ZNF438: variants seen among roughly 807,000 people sequenced by gnomAD.
ZNF438 encodes zinc finger protein 438.
ZNF438 carries 25 observed loss-of-function variants against 38.0 expected under a neutral mutation model. The ratio of observed to expected loss-of-function variants is 0.66; its 90% CI spans 0.48 to 0.92. The LOEUF is 0.92. ZNF438 is among the 40% of genes least tolerant of loss of function. The pLI is 0.00. For synonymous variants in ZNF438, 372 were observed against 364.1 expected, an observed-to-expected ratio of 1.02 and a Z score of -0.25; for missense variants, 1,007 against 999.6, an observed-to-expected ratio of 1.01 and a Z score of -0.10.
chr10:30,879,576 T>C (rs983120662), intron 3 of ZNF438, among the ~76,000 whole-genome samples: 1 of 152,172 alleles, frequency 6.6e-6, no homozygotes, highest in Non-Finnish European at 1.5e-5. Flanking sequence ...ATTAAGTGTG[T>C]AACTAGATTT....
intron 1 of ZNF438, among the ~76,000 whole-genome samples, chr10:31,007,661 C>T (rs1348560821): frequency 6.6e-6 from 1 of 152,152 alleles, no homozygotes; most frequent in Non-Finnish European, 1.5e-5. Flanking sequence ...AATGAACTGT[C>T]TTCATAAGCT....
exon 5 of ZNF438, chr10:30,848,580 G>T: frequency 1.2e-6 from 2 of 1,614,156 alleles, no homozygotes; most frequent in Non-Finnish European, 1.7e-6. Flanking sequence ...CTGTTCTTTG[G>T]TATGTCTCCT....
At chr10:30,979,218 T>C (rs146531018) in intron 1 of ZNF438, among the ~76,000 whole-genome samples, 51 of 152,340 alleles carry the variant, frequency 3.3e-4, no homozygotes, top group Non-Finnish European at 6.2e-4. Context: ...ACATTAATGT[T>C]GTTTTCATGC....
chr10:30,967,312 C>T (rs142458370), intron 1 of ZNF438, among the ~76,000 whole-genome samples: 122 of 152,294 alleles, frequency 8.0e-4, no homozygotes, highest in African/African-American at 1.6e-3. Context: ...ATCTCCCCAA[C>T]GCTCAACTAC....
chr10:30,975,359 T>A (rs2051221989), intron 1 of ZNF438, among the ~76,000 whole-genome samples: 1 of 152,200 alleles, frequency 6.6e-6, no homozygotes, highest in Non-Finnish European at 1.5e-5. Flanking sequence ...AAAACAGTCT[T>A]AGAGACTCGA....
At chr10:31,026,000 A>G (rs1847892224) in intron 1 of ZNF438, among the ~76,000 whole-genome samples, 1 of 152,238 alleles carries the variant, frequency 6.6e-6, no homozygotes, top group Non-Finnish European at 1.5e-5. Flanking sequence ...AGGATTCCCT[A>G]TTTAATAAAC....
At chr10:30,963,167 A>G (rs1001244026) in intron 1 of ZNF438, among the ~76,000 whole-genome samples, 6 of 151,822 alleles carry the variant, frequency 4.0e-5, no homozygotes, top group Non-Finnish European at 4.4e-5. Context: ...CAAGGTGGGC[A>G]GATCACCTGA....
chr10:31,003,136 G>GCC (rs2054818161), intron 1 of ZNF438, among the ~76,000 whole-genome samples: 1 of 152,086 alleles, frequency 6.6e-6, no homozygotes, highest in Non-Finnish European at 1.5e-5. Flanking sequence ...GCACACTATT[G>GCC]CAAGTCTTGA....
At chr10:30,877,453 T>C (rs1478365858) in intron 3 of ZNF438, among the ~76,000 whole-genome samples, 1 of 152,230 alleles carries the variant, frequency 6.6e-6, no homozygotes, top group Admixed American at 6.5e-5. Flanking sequence ...AATTGTAATA[T>C]AATCATTTGA....
intron 1 of ZNF438, among the ~76,000 whole-genome samples, chr10:30,942,642 A>G (rs1386680354): frequency 6.6e-6 from 1 of 152,244 alleles, no homozygotes; most frequent in Non-Finnish European, 1.5e-5. Context: ...CATTGTTTAC[A>G]TGAACCATGA....
chr10:30,897,826 G>T (rs1449453336), intron 3 of ZNF438, among the ~76,000 whole-genome samples: 1 of 152,166 alleles, frequency 6.6e-6, no homozygotes, highest in African/African-American at 2.4e-5. Context: ...GCCTTGTGGG[G>T]TTGCTCCTGA....
intron 1 of ZNF438, among the ~76,000 whole-genome samples, chr10:30,980,767 A>C (rs544926643): frequency 1.3e-5 from 2 of 152,352 alleles, no homozygotes; most frequent in East Asian, 3.9e-4. Flanking sequence ...AGCCCTGAGA[A>C]ATGTCAACTT....
intron 4 of ZNF438, among the ~76,000 whole-genome samples, chr10:30,852,607 C>A (rs1454742695): frequency 1.3e-5 from 2 of 152,122 alleles, no homozygotes; most frequent in Admixed American, 1.3e-4. Context: ...AAACAAGCAA[C>A]CTAGTAGAAA....
At chr10:30,996,113 A>G (rs1003502099) in intron 1 of ZNF438, among the ~76,000 whole-genome samples, 3 of 152,176 alleles carry the variant, frequency 2.0e-5, no homozygotes, top group Non-Finnish European at 4.4e-5. Context: ...TATATTTTTA[A>G]AAGTAGCAAA....
chr10:30,896,929 G>T (rs2041421625), intron 3 of ZNF438, among the ~76,000 whole-genome samples: 2 of 152,150 alleles, frequency 1.3e-5, no homozygotes, highest in Non-Finnish European at 2.9e-5. Flanking sequence ...GGCAAAAATG[G>T]CAATCACTCA....
chr10:30,944,459 G>T (rs918277611), intron 1 of ZNF438, among the ~76,000 whole-genome samples: 1 of 152,118 alleles, frequency 6.6e-6, no homozygotes, highest in Non-Finnish European at 1.5e-5. Context: ...CACCAACAGG[G>T]ATGTAAAGTA....
chr10:30,983,254 G>A (rs781586876), intron 1 of ZNF438, among the ~76,000 whole-genome samples: 8 of 152,184 alleles, frequency 5.3e-5, no homozygotes, highest in East Asian at 1.9e-4. Flanking sequence ...CCTTTCTTGC[G>A]CTGTTATAAA....
intron 1 of ZNF438, among the ~76,000 whole-genome samples, chr10:31,015,535 T>C (rs1194156350): frequency 1.3e-5 from 2 of 152,052 alleles, no homozygotes; most frequent in Non-Finnish European, 2.9e-5. Context: ...TCCCAGCTAC[T>C]CAGGAGGCTG....
intron 5 of ZNF438, among the ~76,000 whole-genome samples, chr10:30,846,426 C>T (rs1191291707): frequency 1.3e-5 from 2 of 152,192 alleles, no homozygotes; most frequent in Admixed American, 1.3e-4. Flanking sequence ...TCCCTGAAAC[C>T]TGCCGCCATG....
Sources: allele counts gnomAD v4.1 joint callset (sites outside exome capture counted in the v4.1 genomes callset), GRCh38; gene constraint gnomAD v4.1.1; transcripts MANE v1.5; gene names NCBI Gene and HGNC (gene_info 2026-07-23, HGNC 2026-07-21).